Variants in RORA observed in about 807,000 individuals in gnomAD.
RORA encodes RAR related orphan receptor A.
Under a neutral mutation model 69.5 loss-of-function variants are expected in RORA, and 7 were observed. The ratio of observed to expected loss-of-function variants is 0.10; its 90% CI spans 0.06 to 0.19. RORA has a LOEUF of 0.19. Ranked by LOEUF, RORA falls within the 10% of genes least tolerant of loss-of-function variation. The pLI is 1.00. For missense variants in RORA, 457 were observed against 663.0 expected, an observed-to-expected ratio of 0.69 and a Z score of 3.41; for synonymous variants, 261 against 240.8, an observed-to-expected ratio of 1.08 and a Z score of -0.78.
intron 5 of RORA, among the ~76,000 whole-genome samples, chr15:60,507,381 CAG>C (rs1167989144): frequency 6.6e-6 from 1 of 152,070 alleles, no homozygotes; most frequent in Non-Finnish European, 1.5e-5. Context: ...TGTGTGAAAA[CAG>C]AGCAGGTTCA....
rs557534712 is a variant in RORA at position 61,015,229 on chromosome 15, A to T, written c.166+213824T>A. Among the ~76,000 whole-genome samples, 190 of 152,346 alleles carry T rather than the reference A, an allele frequency of 1.2e-3. 1 individual carries two copies. The highest frequency in any genetic ancestry group is 4.1e-3 in the African/African-American group (171 of 41,588). On this transcript the variant is annotated intron_variant, in intron 1 of 10. Transcript: ENST00000335670. ...GATCTCAATCACAGAAGACAAGGAAAGCCCTGGCGGCAGATTCTATTTTAA... is the reference window on the plus strand; with the variant it reads ...GATCTCAATCACAGAAGACAAGGAATGCCCTGGCGGCAGATTCTATTTTAA...
chr15:60,802,484 CT>C (rs2072598932), intron 1 of RORA, among the ~76,000 whole-genome samples: 1 of 152,218 alleles, frequency 6.6e-6, no homozygotes, highest in Non-Finnish European at 1.5e-5. Flanking sequence ...CTCTCTTCCC[CT>C]GCAGAAGCTT....
At chr15:60,995,330 G>A (rs1274019368) in intron 1 of RORA, among the ~76,000 whole-genome samples, 4 of 152,208 alleles carry the variant, frequency 2.6e-5, no homozygotes, top group Admixed American at 2.0e-4. Context: ...TGCCTCAGGT[G>A]TGGCAGCTGA....
Position 61,213,086 on chromosome 15 carries a change from G to C in RORA, c.166+15967C>G, listed in dbSNP as rs1443554066. 1.3e-5 allele frequency among the ~76,000 whole-genome samples: 2 copies of C among 152,034 alleles called. No individual in the cohort carries two copies. Among genetic ancestry groups the C allele is most frequent in the South Asian group, 4.1e-4 (2 of 4,820 alleles). On this transcript the variant is annotated intron_variant, in intron 1 of 10. Coordinates refer to ENST00000335670, the MANE Select transcript of RORA (RefSeq NM_134261.3). This position sits in a 1 kb window ranked among gnomAD's most constrained non-coding sequence, Gnocchi z 4.1. ...ATATGTCCCTGGAACTTCCAACTCA[G>C]CCCATCCCAAATTGAACCCATGCCT...
At chr15:61,074,242 T>C (rs1005651758) in intron 1 of RORA, among the ~76,000 whole-genome samples, 2 of 152,226 alleles carry the variant, frequency 1.3e-5, no homozygotes, top group Middle Eastern at 3.2e-3. Context: ...GTGCTGGATA[T>C]ATTTACGTTA....
chr15:60,734,185 T>C (rs2071468424), intron 1 of RORA, among the ~76,000 whole-genome samples: 1 of 152,146 alleles, frequency 6.6e-6, no homozygotes, highest in Non-Finnish European at 1.5e-5. Context: ...CCTAAATCAG[T>C]GTTCTCCAAC....
intron 4 of RORA, among the ~76,000 whole-genome samples, chr15:60,513,414 T>C (rs567817715): frequency 6.6e-6 from 1 of 152,338 alleles, no homozygotes; most frequent in South Asian, 2.1e-4. Flanking sequence ...AGGTGAAACT[T>C]TCTGCTGTGA....
At chr15:60,924,406 A>G (rs1460909658) in intron 1 of RORA, among the ~76,000 whole-genome samples, 2 of 124,260 alleles carry the variant, frequency 1.6e-5, no homozygotes, top group African/African-American at 5.2e-5. Flanking sequence ...AGATTTGAAC[A>G]AAGAAGAAAA....
chr15:60,967,460 C>T (rs1428184183), intron 1 of RORA, among the ~76,000 whole-genome samples: 1 of 152,148 alleles, frequency 6.6e-6, no homozygotes, highest in East Asian at 1.9e-4. Context: ...GCCCATGTCC[C>T]TGGTTATGTC....
intron 1 of RORA, among the ~76,000 whole-genome samples, chr15:60,831,664 T>C (rs1215814391): frequency 6.6e-6 from 1 of 152,144 alleles, no homozygotes; most frequent in East Asian, 1.9e-4. Context: ...CACCACACTC[T>C]CCAGATGAAT....
chr15:61,222,256 C>A (rs2080104727), intron 1 of RORA, among the ~76,000 whole-genome samples: 1 of 152,164 alleles, frequency 6.6e-6, no homozygotes, highest in Non-Finnish European at 1.5e-5. Context: ...GCGGACAAAA[C>A]CATCACCAGG....
In RORA at chr15:60,507,106, G is replaced by T. The variant is rs552422122; in HGVS notation, c.821-1477C>A. On this transcript the variant is annotated intron_variant, in intron 5 of 10. Transcript: ENST00000335670. The stretch of plus-strand genomic sequence containing the variant: ...CATAGAAGGCTGCTAGAATCTAGAT[G>T]CCAGGAACTAACAATTTGGAGCAGC... Among the ~76,000 whole-genome samples, 22 of 152,252 alleles carry T rather than the reference G, an allele frequency of 1.4e-4. No homozygotes were observed. The South Asian group carries it at 4.6e-3, about 32-fold the overall frequency.
At chr15:61,153,654 G>A (rs750671943) in intron 1 of RORA, among the ~76,000 whole-genome samples, 34 of 152,200 alleles carry the variant, frequency 2.2e-4, no homozygotes, top group Non-Finnish European at 3.8e-4. Flanking sequence ...TTTGCATGAG[G>A]GGATTTGGGC....
chr15:60,741,845 C>T (rs2140849746), intron 1 of RORA, among the ~76,000 whole-genome samples: 1 of 152,288 alleles, frequency 6.6e-6, no homozygotes, highest in South Asian at 2.1e-4. Flanking sequence ...ACACTTCCTG[C>T]ATGGCCGCAT....
intron 2 of RORA, among the ~76,000 whole-genome samples, chr15:60,564,974 A>T (rs1255196191): frequency 6.6e-6 from 1 of 151,980 alleles, no homozygotes; most frequent in African/African-American, 2.4e-5. Flanking sequence ...ACAAGCAGTG[A>T]CCCCCTTGTG....
intron 1 of RORA, among the ~76,000 whole-genome samples, chr15:60,702,379 G>A (rs947624464): frequency 1.3e-5 from 2 of 152,048 alleles, no homozygotes; most frequent in African/African-American, 2.4e-5. Context: ...TTACAGGCAC[G>A]AGCCACCATG....
At chr15:61,031,281 A>T (rs937332412) in intron 1 of RORA, among the ~76,000 whole-genome samples, 2 of 152,210 alleles carry the variant, frequency 1.3e-5, no homozygotes, top group Non-Finnish European at 2.9e-5. Context: ...TTTTCTTTTC[A>T]GATCTCTAGG....
intron 1 of RORA, among the ~76,000 whole-genome samples, chr15:61,005,797 C>T (rs1017827094): frequency 1.3e-5 from 2 of 152,070 alleles, no homozygotes; most frequent in Admixed American, 6.6e-5. Context: ...GTAGTCCAGT[C>T]TAAACTATAT....
intron 1 of RORA, among the ~76,000 whole-genome samples, chr15:61,167,173 T>A (rs2079545440): frequency 6.6e-6 from 1 of 152,208 alleles, no homozygotes. Context: ...AAAATCACTC[T>A]TCACTCGGTA....
Sources: gnomAD v4.1 joint callset for allele counts (sites outside exome capture counted in the v4.1 genomes callset) on GRCh38, gnomAD v4.1.1 for gene constraint, Gnocchi (gnomAD v3.1) non-coding constraint, MANE v1.5 for transcripts, NCBI Gene and HGNC (gene_info 2026-07-23, HGNC 2026-07-21) for gene names.